The following PNPLA5 variants were observed in gnomAD, a reference collection of about 807,000 sequenced individuals.
PNPLA5 encodes patatin like domain 5, triacylglycerol lipase, also known as patatin-like phospholipase domain-containing protein 5.
A neutral mutation model predicts 49.1 loss-of-function variants in PNPLA5; 44 were observed. The ratio of observed to expected loss-of-function variants is 0.90; its 90% CI spans 0.70 to 1.15. The LOEUF (loss-of-function observed/expected upper bound fraction) is 1.15, where lower values mean the gene tolerates loss of function less well. PNPLA5 is among the 50% of genes most tolerant of loss of function. PNPLA5 has a pLI of 0.00. For synonymous variants in PNPLA5, 243 were observed against 244.4 expected, an observed-to-expected ratio of 0.99 and a Z score of 0.06; for missense variants, 603 against 564.0, an observed-to-expected ratio of 1.07 and a Z score of -0.70.
rs1223610916 is a variant in PNPLA5, at chr22:43,880,419, G to A, written c.*376C>T. On this transcript the variant is annotated 3_prime_UTR_variant, in exon 9 of 9. Coordinates refer to ENST00000216177, the MANE Select transcript of PNPLA5 (RefSeq NM_138814.4). ...TCAGTTGGCTCCTCTGGTCTCTGAC[G>A]CGGGCATCAGGCACTTTCTCAATCT... 1.8e-5 allele frequency: 7 copies of A among 398,680 alleles called. No individual in the cohort carries two copies. Among genetic ancestry groups the A allele is most frequent in the South Asian group, 1.3e-4 (1 of 7,866 alleles). 24.7% of individuals were successfully genotyped at this position (398,680 alleles called of 1,614,324 possible). A position where few individuals can be genotyped will look rare whatever the true frequency, so the allele number is the denominator to read the frequency against.
Position 43,880,326 on chromosome 22 carries a change from C to T in PNPLA5, c.*469G>A, listed in dbSNP as rs558833063. 1.6e-4 allele frequency: 62 copies of T among 398,350 alleles called. No homozygotes were observed. Among genetic ancestry groups the T allele is most frequent in the Non-Finnish European group, 2.2e-4 (50 of 226,120 alleles). The allele number at this position is 398,350 out of a possible 1,614,324, so 24.7% of individuals were successfully genotyped here. ...AAGGTTTCCTGAGTGGGGTAGATGCCGGGGGTCACCCCCAAGGGCCGCTGC... is the reference window on the plus strand; with the variant it reads ...AAGGTTTCCTGAGTGGGGTAGATGCTGGGGGTCACCCCCAAGGGCCGCTGC... On this transcript the variant is annotated 3_prime_UTR_variant, in exon 9 of 9. Coordinates refer to ENST00000216177, the MANE Select transcript of PNPLA5 (RefSeq NM_138814.4).
intron 5 of PNPLA5, 97 bp downstream of exon 5, chr22:43,887,494 T>G (rs896992738): frequency 7.2e-7 from 1 of 1,396,258 alleles, no homozygotes; most frequent in Non-Finnish European, 9.9e-7. Flanking sequence ...AGAGACTGAG[T>G]TAGCCCATGT....
Position 43,889,368 on chromosome 22 carries a change from G to T in PNPLA5, c.663C>A (p.Phe221Leu), listed in dbSNP as rs1248666277. The T allele has an allele frequency of 6.8e-6, 11 of 1,614,078 alleles. No homozygotes were observed. Among genetic ancestry groups the T allele is most frequent in the South Asian group, 2.2e-5 (2 of 91,058 alleles). ...GTATGAGACATATGAGCCCCAGGAA[G>T]AAGTTCTCAGTGGAGATTTGGAAGC... ...NFSFQISTEN[F>L]FLGLICLIPP... The change falls in exon 4 of 9, where the codon TTC becomes TTA. Residue 221 changes from phenylalanine to leucine, a missense_variant. By Grantham distance (22) the Phe-to-Leu change is conservative. Coordinates refer to ENST00000216177, the MANE Select transcript of PNPLA5 (RefSeq NM_138814.4).
chr22:43,887,207 G>T (rs919160031), intron 5 of PNPLA5, among the ~76,000 whole-genome samples: 1 of 151,964 alleles, frequency 6.6e-6, no homozygotes, highest in Non-Finnish European at 1.5e-5. Flanking sequence ...CAATTTTGCT[G>T]GTGTCTTCAT....
In PNPLA5 at chr22:43,881,589, T is replaced by C; in HGVS notation, c.1168A>G (p.Arg390Gly). The part of the protein sequence containing the change: ...LRNMALEVFS[R>G]TKAQLLGPIS... The stretch of plus-strand genomic sequence containing the variant: ...GGCCCAAGGAGCTGGGCCTTGGTCC[T>C]GGAGAAAACCTCGAGGGCCATGTTC... The change falls in exon 8 of 9, where the codon AGG becomes GGG. Residue 390 changes from arginine (R) to glycine (G), a missense_variant. Arg to Gly is a moderately radical substitution (Grantham distance 125, BLOSUM62 -2). Coordinates refer to ENST00000216177, the MANE Select transcript of PNPLA5 (RefSeq NM_138814.4). 1 of 1,609,462 alleles carries C rather than the reference T, an allele frequency of 6.2e-7. No homozygotes were observed. Among genetic ancestry groups the C allele is most frequent in the Admixed American group, 1.7e-5 (1 of 59,584 alleles).
Position 43,883,142 on chromosome 22 carries a change from G to A in PNPLA5, c.1082+1071C>T, listed in dbSNP as rs144270079. Among the ~76,000 whole-genome samples the A allele has an allele frequency of 1.6e-4, 25 of 152,318 alleles. No homozygotes were observed. In the East Asian group the frequency reaches 4.4e-3, roughly 27 times the overall value. On this transcript the variant is annotated intron_variant, in intron 7 of 8. Transcript: ENST00000216177. ...AACATTCTCCTTGTCCTCTTTGCCT[G>A]GTGGACGCTGACTCATCCTTCAGAT...
Position 43,891,905 on chromosome 22 carries a change from C to T in PNPLA5, c.-25G>A. On this transcript the variant is annotated 5_prime_UTR_variant, in exon 1 of 9. Transcript: ENST00000216177. ...TGGCGGGTGGACCGGGCGGGGTGAT[C>T]GGGACGAGGAAGGGTCACTCCGTGA... is the stretch of plus-strand genomic sequence containing the variant. 2.0e-6 allele frequency: 3 copies of T among 1,504,352 alleles called. No homozygotes were observed. Among genetic ancestry groups the T allele is most frequent in the South Asian group, 1.3e-5 (1 of 77,730 alleles). The allele number at this position is 1,504,352 out of a possible 1,614,324, so 93.2% of individuals were successfully genotyped here.
Position 43,880,331 on chromosome 22 carries a change from G to A in PNPLA5, c.*464C>T, listed in dbSNP as rs1415772307. ...TTCCTGAGTGGGGTAGATGCCGGGG[G>A]TCACCCCCAAGGGCCGCTGCAGGAC... On this transcript the variant is annotated 3_prime_UTR_variant, in exon 9 of 9. Coordinates refer to ENST00000216177, the MANE Select transcript of PNPLA5 (RefSeq NM_138814.4). The A allele has an allele frequency of 2.5e-6, 1 of 398,584 alleles. No homozygotes were observed. The highest frequency in any genetic ancestry group is 4.4e-6 in the Non-Finnish European group (1 of 226,188). 24.7% of individuals were successfully genotyped at this position (398,584 alleles called of 1,614,324 possible). A position where few individuals can be genotyped will look rare whatever the true frequency, so the allele number is the denominator to read the frequency against.
rs374372726 is a variant in PNPLA5 at position 43,886,355 on chromosome 22, C to A, written c.897G>T (p.Val299=). ...CAAAGTTGGGTACATCCTTGACTTG[C>A]ACATGGGGCACTTTCCAGTTGAGAG... ...GLSLNWKVPH[V]QVKDVPNFEQ... The change falls in exon 6 of 9, where the codon GTG becomes GTT. Residue 299 remains valine (V), a synonymous_variant. Coordinates refer to ENST00000216177, the MANE Select transcript of PNPLA5 (RefSeq NM_138814.4). 6.2e-7 allele frequency: 1 copy of A among 1,614,162 alleles called. No homozygotes were observed. Among genetic ancestry groups the A allele is most frequent in the Non-Finnish European group, 8.5e-7 (1 of 1,180,026 alleles).
chr22:43,883,353 G>A (rs2049629590), intron 7 of PNPLA5, among the ~76,000 whole-genome samples: 1 of 152,234 alleles, frequency 6.6e-6, no homozygotes, highest in Non-Finnish European at 1.5e-5. Context: ...GGTCTGCGTC[G>A]GGGCTGCTTC....
rs1441570627 is a variant in PNPLA5, at chr22:43,891,044, G to A, written c.426+18C>T. On this transcript the variant is annotated intron_variant, in intron 2 of 8. Coordinates refer to ENST00000216177, the MANE Select transcript of PNPLA5 (RefSeq NM_138814.4). ...AGCCCGCCCACCAGCCAAGCCCTGG[G>A]CACCCCCCGCCCCACACCTGGATGA... is the stretch of plus-strand genomic sequence containing the variant. 6.3e-7 allele frequency: 1 copy of A among 1,596,814 alleles called. No homozygotes were observed. The highest frequency in any genetic ancestry group is 8.5e-7 in the Non-Finnish European group (1 of 1,173,454).
chr22:43,887,765 C>G, intron 4 of PNPLA5, 114 bp from the exon 5 acceptor site: 1 of 1,530,676 alleles, frequency 6.5e-7, no homozygotes, highest in South Asian at 1.2e-5. Flanking sequence ...CCAGCCTATT[C>G]TCCCCAAGTG....
intron 1 of PNPLA5, 143 bp from the exon 2 acceptor site, chr22:43,891,437 AAT>A: frequency 7.1e-7 from 1 of 1,402,930 alleles, no homozygotes; most frequent in South Asian, 1.6e-5. Flanking sequence ...CCCGGATTCA[AAT>A]GATCCGTTCA....
chr22:43,886,438 C>T lies in PNPLA5; in HGVS notation c.814G>A (p.Ala272Thr), dbSNP rs2049665737. The change falls in exon 6 of 9, where the codon GCC becomes ACC. Residue 272 changes from alanine to threonine, a missense_variant. Coordinates refer to ENST00000216177, the MANE Select transcript of PNPLA5 (RefSeq NM_138814.4). ...GCATCCCAGTTTCCGTCAGCCGGGG[C>T]TGGGGGTTCCTTAGACACCAGCGTC... ...LWTLVSKEPP[A>T]PADGNWDAGC... 2 of 1,614,078 alleles carry T rather than the reference C, an allele frequency of 1.2e-6. No homozygotes were observed. The highest frequency in any genetic ancestry group is 1.7e-6 in the Non-Finnish European group (2 of 1,179,982).
Position 43,891,993 on chromosome 22 carries a change from A to G in PNPLA5, c.-113T>C. 1.8e-6 allele frequency: 2 copies of G among 1,140,918 alleles called. No individual in the cohort carries two copies. Among genetic ancestry groups the G allele is most frequent in the South Asian group, 3.5e-5 (2 of 57,364 alleles). 70.7% of individuals were successfully genotyped at this position (1,140,918 alleles called of 1,614,324 possible). On this transcript the variant is annotated 5_prime_UTR_variant, in exon 1 of 9. Coordinates refer to ENST00000216177, the MANE Select transcript of PNPLA5 (RefSeq NM_138814.4). ...GGGCCCAAATGTGGGCTCTGGAGGG[A>G]GCCGGGCTGGGGCTGGTGCTGGTGC...
In PNPLA5 at chr22:43,891,933, C is replaced by T. The variant is rs1027883339; in HGVS notation, c.-53G>A. On this transcript the variant is annotated 5_prime_UTR_variant, in exon 1 of 9. Transcript: ENST00000216177. Reference sequence around the variant, plus strand: ...GACGAGGAAGGGTCACTCCGTGACCCGGGATAGGGCCGGGATGCAGCCTTG... The same window carrying T: ...GACGAGGAAGGGTCACTCCGTGACCTGGGATAGGGCCGGGATGCAGCCTTG... 102 of 1,470,040 alleles carry T rather than the reference C, an allele frequency of 6.9e-5. No homozygotes were observed. The highest frequency in any genetic ancestry group is 5.2e-4 in the Admixed American group (18 of 34,394). 91.1% of individuals were successfully genotyped at this position (1,470,040 alleles called of 1,614,324 possible).
chr22:43,883,435 T>C (rs5764373), intron 7 of PNPLA5, among the ~76,000 whole-genome samples: 74,786 of 152,168 alleles, frequency 0.49, 19,238 homozygotes, highest in East Asian at 0.94. Context: ...GAACAACTGA[T>C]GCAGACGGGC....
At chr22:43,889,662 C>T (rs1021450021) in intron 3 of PNPLA5, 124 bp from the exon 4 acceptor site, 175 of 1,517,838 alleles carry the variant, frequency 1.2e-4, no homozygotes, top group Non-Finnish European at 1.4e-4. Context: ...GGAGGCTGAA[C>T]GCCCCCCAGG....
intron 4 of PNPLA5, 76 bp from the exon 5 acceptor site, chr22:43,887,727 C>T: frequency 1.3e-6 from 2 of 1,551,492 alleles, no homozygotes; most frequent in South Asian, 2.4e-5. Context: ...AGGCCAGAGA[C>T]TTATCTTCAA....
Sources: gnomAD v4.1 joint callset for allele counts (sites outside exome capture counted in the v4.1 genomes callset) on GRCh38, gnomAD v4.1.1 for gene constraint, MANE v1.5 for transcripts, NCBI Gene and HGNC (gene_info 2026-07-23, HGNC 2026-07-21) for gene names.